The following KMT5B variants were observed in gnomAD, a reference collection of about 807,000 sequenced individuals.
The protein encoded by KMT5B is lysine methyltransferase 5B.
Under a neutral mutation model 83.2 loss-of-function variants are expected in KMT5B, and 10 were observed. The ratio of observed to expected loss-of-function variants is 0.12; its 90% CI spans 0.07 to 0.20. The LOEUF (loss-of-function observed/expected upper bound fraction) is 0.20. KMT5B is among the 10% of genes least tolerant of loss of function. The pLI, the probability that KMT5B is intolerant of heterozygous loss-of-function variation, is 1.00. For missense variants in KMT5B, 753 were observed against 1,067.2 expected (o/e 0.71, Z 4.10); for synonymous variants, 349 against 388.8 (o/e 0.90, Z 1.20).
At chr11:68,163,896 C>T (rs997908103) in intron 10 of KMT5B, among the ~76,000 whole-genome samples, 2 of 152,178 alleles carry the variant, frequency 1.3e-5, no homozygotes, top group African/African-American at 4.8e-5. Flanking sequence ...GACAGGTGCT[C>T]CATAGTTAAG....
At chr11:68,170,644 G>C (rs937913857) in intron 9 of KMT5B, among the ~76,000 whole-genome samples, 12 of 152,178 alleles carry the variant, frequency 7.9e-5, no homozygotes, top group Admixed American at 4.6e-4. Context: ...TTGATAATAT[G>C]CAAGACGACT....
rs942590234 is a variant in KMT5B at position 68,180,282 on chromosome 11, T to C, written c.309-82A>G. On this transcript the variant is annotated intron_variant, in intron 3 of 10. Coordinates refer to ENST00000304363, the MANE Select transcript of KMT5B (RefSeq NM_017635.5). ...TTGTAATTTCTAAACAGACTTACAA[T>C]ATTCGTTGTTGCAAAAATCTTTAAA... 8 of 1,494,296 alleles carry C rather than the reference T, an allele frequency of 5.4e-6. No homozygotes were observed. The African/African-American group carries it at 7.0e-5, about 13-fold the overall frequency. 92.6% of individuals were successfully genotyped at this position (1,494,296 alleles called of 1,614,324 possible).
rs1855857574 is a variant in KMT5B at position 68,171,773 on chromosome 11, T to A, written c.654-64A>T. The A allele has an allele frequency of 2.3e-6, 3 of 1,293,324 alleles. No homozygotes were observed. In the South Asian group the frequency reaches 4.1e-5, roughly 18 times the overall value. 80.1% of individuals were successfully genotyped at this position (1,293,324 alleles called of 1,614,324 possible). A position where few individuals can be genotyped will look rare whatever the true frequency, so the allele number is the denominator to read the frequency against. On this transcript the variant is annotated intron_variant, in intron 6 of 10. Transcript: ENST00000304363. This position sits in a 1 kb window ranked among gnomAD's most constrained non-coding sequence, Gnocchi z 5.1. The stretch of plus-strand genomic sequence containing the variant: ...TTAAATATAGTAAGGCTTCTTTTAA[T>A]AAAATAATCCTGACAATAAATATCA...
intron 4 of KMT5B, among the ~76,000 whole-genome samples, chr11:68,177,171 T>C (rs1326031134): frequency 1.3e-5 from 2 of 152,162 alleles, no homozygotes; most frequent in Admixed American, 1.3e-4. Flanking sequence ...AAAATTTAAT[T>C]GGGACTAAAA....
Position 68,165,632 on chromosome 11 carries a change from G to A in KMT5B, c.1174+1350C>T, listed in dbSNP as rs373404661. ...GGCTACAGGTGTGCCACCATGCCTG[G>A]CTTTTAAGTGTTTTTATGTCTGCAT... On this transcript the variant is annotated intron_variant, in intron 10 of 10. Coordinates refer to ENST00000304363, the MANE Select transcript of KMT5B (RefSeq NM_017635.5). The A allele has an allele frequency of 4.6e-3, 4,036 of 882,000 alleles. 248 individuals carry two copies. In the South Asian group the frequency reaches 0.1, roughly 22 times the overall value. The allele number at this position is 882,000 out of a possible 1,614,324, so 54.6% of individuals were successfully genotyped here.
intron 3 of KMT5B, among the ~76,000 whole-genome samples, chr11:68,182,125 T>C (rs1420633576): frequency 1.3e-5 from 2 of 152,342 alleles, no homozygotes; most frequent in East Asian, 3.8e-4. Context: ...CATTTTAACT[T>C]AGGAGTCCTC....
At chr11:68,198,254 C>G (rs1226339651) in intron 1 of KMT5B, among the ~76,000 whole-genome samples, 1 of 152,142 alleles carries the variant, frequency 6.6e-6, no homozygotes, top group East Asian at 1.9e-4. Context: ...CGTGGTGTCA[C>G]ATGCCTGTAA....
chr11:68,213,140 C>G lies in KMT5B; in HGVS notation c.-79G>C, dbSNP rs1026531970. The G allele has an allele frequency of 1.0e-4, 14 of 138,724 alleles. 1 individual carries two copies. Among genetic ancestry groups the G allele is most frequent in the African/African-American group, 3.6e-4 (14 of 38,414 alleles). 8.6% of individuals were successfully genotyped at this position (138,724 alleles called of 1,614,324 possible). ...CGCCCGCCCCTCCCCCGACTCACCG[C>G]CTGCGCCGCCCCGCTCCTCCTCGGG... is the stretch of plus-strand genomic sequence containing the variant. On this transcript the variant is annotated splice_region_variant and 5_prime_UTR_variant, in exon 1 of 11. Transcript: ENST00000304363.
Position 68,158,736 on chromosome 11 carries a change from A to G in KMT5B, c.1610T>C (p.Ile537Thr), listed in dbSNP as rs1449680441. 11 of 1,613,968 alleles carry G rather than the reference A, an allele frequency of 6.8e-6. No individual in the cohort carries two copies. Among genetic ancestry groups the G allele is most frequent in the Non-Finnish European group, 8.5e-6 (10 of 1,180,014 alleles). ...TCTTGTCCTCACTGACCGCCGAGTT[A>G]TGTAGGTGCAGGGCGAGCTCTCCCC... Reference protein sequence around the residue: ...SQGESSPCTYITRRSVRTRTN... With the variant: ...SQGESSPCTYTTRRSVRTRTN... The change falls in exon 11 of 11, where the codon ATA (isoleucine) becomes ACA (threonine). Residue 537 changes from isoleucine (I) to threonine (T), a missense_variant. Physicochemically the swap from Ile to Thr is moderately conservative, Grantham distance 89 (BLOSUM62 -1). Around this residue, in one of 9 missense-constraint regions of KMT5B, gnomAD observed 397 missense variants for 395.9 expected, o/e 1.00. Coordinates refer to ENST00000304363, the MANE Select transcript of KMT5B (RefSeq NM_017635.5).
intron 2 of KMT5B, among the ~76,000 whole-genome samples, chr11:68,188,001 CAA>C (rs1355684738): frequency 6.6e-6 from 1 of 151,772 alleles, no homozygotes; most frequent in Non-Finnish European, 1.5e-5. Flanking sequence ...AAAGTGTAAC[CAA>C]AGTAATGGCC....
intron 2 of KMT5B, among the ~76,000 whole-genome samples, chr11:68,187,616 G>A (rs1857560778): frequency 6.6e-6 from 1 of 152,156 alleles, no homozygotes; most frequent in African/African-American, 2.4e-5. Context: ...GTTCTATCCT[G>A]GAATGCTGCA....
intron 1 of KMT5B, among the ~76,000 whole-genome samples, chr11:68,209,188 A>C (rs576507745): frequency 3.3e-5 from 5 of 152,222 alleles, no homozygotes. Flanking sequence ...TGTATCATAC[A>C]TTTCAACCGT....
chr11:68,202,584 T>C (rs1252993202), intron 1 of KMT5B, among the ~76,000 whole-genome samples: 1 of 140,756 alleles, frequency 7.1e-6, no homozygotes, highest in African/African-American at 2.7e-5. Flanking sequence ...ACTCTCACTC[T>C]GTTGCCCAGG....
Position 68,158,665 on chromosome 11 carries a change from A to G in KMT5B, c.1681T>C (p.Leu561=), listed in dbSNP as rs1859483192. 4 of 1,614,004 alleles carry G rather than the reference A, an allele frequency of 2.5e-6. No individual in the cohort carries two copies. Among genetic ancestry groups the G allele is most frequent in the East Asian group, 2.2e-5 (1 of 44,864 alleles). Residue 561 remains leucine (L), a synonymous_variant, in exon 11 of 11, where the codon TTG becomes CTG. Coordinates refer to ENST00000304363, the MANE Select transcript of KMT5B (RefSeq NM_017635.5). ...GTCACACTGCTTTTATAGCCATTCA[A>G]CGTATTTGGTTCAAGCTTGATGTCA... ...ASDIKLEPNT[L]NGYKSSVTEP...
intron 10 of KMT5B, among the ~76,000 whole-genome samples, chr11:68,162,973 A>G (rs1346641278): frequency 6.6e-6 from 1 of 152,214 alleles, no homozygotes; most frequent in Non-Finnish European, 1.5e-5. Context: ...GCAGGGGTTG[A>G]GAATTTCAGA....
chr11:68,190,177 C>G, intron 1 of KMT5B, 25 bp from the exon 2 acceptor site: 4 of 1,099,678 alleles, frequency 3.6e-6, no homozygotes, highest in Non-Finnish European at 5.3e-6. Flanking sequence ...ATATGAAAAA[C>G]AAAACAAAAT....
intron 6 of KMT5B, among the ~76,000 whole-genome samples, chr11:68,173,438 A>G (rs1171029123): frequency 6.6e-6 from 1 of 152,210 alleles, no homozygotes; most frequent in African/African-American, 2.4e-5. Flanking sequence ...GTTTCCACCC[A>G]TAAAACTAGG....
chr11:68,170,980 A>C lies in KMT5B; in HGVS notation c.977+35T>G, dbSNP rs1476574693. ...CCCCATAATCAGGTTGTTAACAAAAAATGTTTAGGCTGAACATTTTACTTA... is the reference window on the plus strand; with the variant it reads ...CCCCATAATCAGGTTGTTAACAAAACATGTTTAGGCTGAACATTTTACTTA... On this transcript the variant is annotated intron_variant, in intron 9 of 10. Transcript: ENST00000304363. 3.2e-6 allele frequency: 5 copies of C among 1,556,292 alleles called. No individual in the cohort carries two copies. In the South Asian group the frequency reaches 4.8e-5, roughly 15 times the overall value.
At chr11:68,172,183 C>A (rs1214769682) in intron 6 of KMT5B, among the ~76,000 whole-genome samples, 1 of 152,108 alleles carries the variant, frequency 6.6e-6, no homozygotes, top group African/African-American at 2.4e-5. Context: ...TTTTTAGCAG[C>A]CACATTGAGA....
Sources: gnomAD v4.1 joint callset for allele counts (sites outside exome capture counted in the v4.1 genomes callset) on GRCh38, gnomAD v4.1.1 for gene constraint, gnomAD v4.1.1 regional missense constraint, Gnocchi (gnomAD v3.1) non-coding constraint, MANE v1.5 for transcripts, NCBI Gene and HGNC (gene_info 2026-07-23, HGNC 2026-07-21) for gene names.